Variants in PHF5A observed in about 807,000 individuals in gnomAD.
PHF5A encodes PHD finger-like domain-containing protein 5A.
For missense variants in PHF5A, 24 were observed against 140.6 expected, an observed-to-expected ratio of 0.17 and a Z score of 4.19; for synonymous variants, 52 against 46.0, an observed-to-expected ratio of 1.13 and a Z score of -0.52.
intron 3 of PHF5A, 149 bp downstream of exon 3, chr22:41,467,299 A>G (rs2037874746): frequency 8.1e-6 from 6 of 738,636 alleles, no homozygotes; most frequent in Non-Finnish European, 1.3e-5. Flanking sequence ...ATTGGACTAC[A>G]CCCAGTTTGA....
intron 3 of PHF5A, among the ~76,000 whole-genome samples, chr22:41,464,007 T>C (rs1407275621): frequency 6.6e-6 from 1 of 152,220 alleles, no homozygotes; most frequent in East Asian, 1.9e-4. Flanking sequence ...AGCATCCTCA[T>C]CTGTATCACA....
intron 3 of PHF5A, among the ~76,000 whole-genome samples, chr22:41,461,565 TCA>T (rs2037828029): frequency 6.6e-6 from 1 of 152,022 alleles, no homozygotes; most frequent in Admixed American, 6.6e-5. Context: ...ACCATGCTGC[TCA>T]GGCTGGTCTC....
intron 3 of PHF5A, among the ~76,000 whole-genome samples, chr22:41,463,618 A>T (rs369405538): frequency 4.9e-4 from 5 of 10,106 alleles, no homozygotes; most frequent in African/African-American, 1.3e-3. Context: ...CCAGCTACTC[A>T]GGGGGCTGAG....
At chr22:41,463,129 C>T (rs2037838481) in intron 3 of PHF5A, among the ~76,000 whole-genome samples, 1 of 152,020 alleles carries the variant, frequency 6.6e-6, no homozygotes, top group African/African-American at 2.4e-5. Flanking sequence ...ACCTGGGCCT[C>T]CCAAAGCGCT....
intron 2 of PHF5A, 53 bp from the exon 3 acceptor site, chr22:41,467,667 C>A: frequency 6.3e-7 from 1 of 1,585,834 alleles, no homozygotes; most frequent in Admixed American, 1.7e-5. Context: ...CCTCTGCTAT[C>A]TCCTGCCATG....
At chr22:41,463,284 T>A (rs1346620849) in intron 3 of PHF5A, among the ~76,000 whole-genome samples, 7 of 151,188 alleles carry the variant, frequency 4.6e-5, no homozygotes, top group Non-Finnish European at 3.0e-5. Flanking sequence ...AAAAAAAAAA[T>A]AAAAGGTTAA....
At chr22:41,467,217 T>C (rs2037873701) in intron 3 of PHF5A, among the ~76,000 whole-genome samples, 2 of 151,986 alleles carry the variant, frequency 1.3e-5, no homozygotes, top group South Asian at 4.2e-4. Flanking sequence ...GAGAGGGCTC[T>C]CCAAATTGCT....
intron 1 of PHF5A, 120 bp downstream of exon 1, chr22:41,468,482 T>C: frequency 1.7e-6 from 2 of 1,171,374 alleles, no homozygotes; most frequent in South Asian, 2.6e-5. Flanking sequence ...ACCCCGCGCC[T>C]GAGAGGCGGG....
rs1420842877 is a variant in PHF5A at position 41,460,383 on chromosome 22, G to T, written c.*15C>A. On this transcript the variant is annotated 3_prime_UTR_variant, in exon 4 of 4. Coordinates refer to ENST00000216252, the MANE Select transcript of PHF5A (RefSeq NM_032758.4). ...AGCAGACTGATGTTGGGGGGAGGAAGGGGCCACCCACCAATCACCTCTTCT... is the reference window on the plus strand; with the variant it reads ...AGCAGACTGATGTTGGGGGGAGGAATGGGCCACCCACCAATCACCTCTTCT... The T allele has an allele frequency of 3.2e-6, 5 of 1,583,706 alleles. No individual in the cohort carries two copies. Among genetic ancestry groups the T allele is most frequent in the Non-Finnish European group, 4.3e-6 (5 of 1,159,058 alleles).
intron 3 of PHF5A, among the ~76,000 whole-genome samples, chr22:41,461,624 C>T (rs2037828343): frequency 6.6e-6 from 1 of 151,912 alleles, no homozygotes; most frequent in Non-Finnish European, 1.5e-5. Context: ...TCCCAAAGTG[C>T]TAGGATTACA....
At chr22:41,461,428 G>A (rs1003049197) in intron 3 of PHF5A, among the ~76,000 whole-genome samples, 4 of 148,920 alleles carry the variant, frequency 2.7e-5, no homozygotes, top group South Asian at 2.1e-4. Flanking sequence ...TCGCTCTGTC[G>A]CCAGGCTGGA....
At chr22:41,466,863 G>T (rs569579707) in intron 3 of PHF5A, among the ~76,000 whole-genome samples, 21 of 152,086 alleles carry the variant, frequency 1.4e-4, no homozygotes, top group African/African-American at 5.1e-4. Flanking sequence ...GCGCATGCCT[G>T]TAGTCCCAGC....
At chr22:41,468,442 A>T in intron 1 of PHF5A, 160 bp downstream of exon 1, 1 of 729,704 alleles carries the variant, frequency 1.4e-6, no homozygotes, top group Non-Finnish European at 2.2e-6. Context: ...TCTTCTCATC[A>T]GAGGCCACAA....
chr22:41,461,490 G>A (rs1004179085), intron 3 of PHF5A, among the ~76,000 whole-genome samples: 5 of 150,278 alleles, frequency 3.3e-5, no homozygotes, highest in Non-Finnish European at 5.9e-5. Context: ...CGAGTAGCTG[G>A]GACTACAGGT....
intron 3 of PHF5A, 127 bp from the exon 4 acceptor site, chr22:41,460,614 A>G: frequency 1.7e-6 from 1 of 574,064 alleles, no homozygotes; most frequent in Admixed American, 3.2e-5. Flanking sequence ...AGGCCGAGGC[A>G]GGAGGATTGC....
rs1323279050 is a variant in PHF5A at position 41,460,191 on chromosome 22, T to C, written c.*207A>G. The C allele has an allele frequency of 4.5e-6, 2 of 446,392 alleles. No individual in the cohort carries two copies. Among genetic ancestry groups the C allele is most frequent in the East Asian group, 6.4e-5 (2 of 31,094 alleles). 27.7% of individuals were successfully genotyped at this position (446,392 alleles called of 1,614,324 possible). ...ATCTATCAAGTTTTCTCCGATATGG[T>C]GTGCCAGAGTGCTCTGTGAAGAATC... On this transcript the variant is annotated 3_prime_UTR_variant, in exon 4 of 4. Coordinates refer to ENST00000216252, the MANE Select transcript of PHF5A (RefSeq NM_032758.4).
intron 1 of PHF5A, 34 bp from the exon 2 acceptor site, chr22:41,468,181 G>C: frequency 6.2e-7 from 1 of 1,612,330 alleles, no homozygotes; most frequent in Non-Finnish European, 8.5e-7. Flanking sequence ...AGTACAATTA[G>C]AATAAAGGTT....
intron 3 of PHF5A, among the ~76,000 whole-genome samples, 186 bp downstream of exon 3, chr22:41,467,261 TC>T (rs1458370489): frequency 1.3e-5 from 2 of 152,060 alleles, no homozygotes; most frequent in African/African-American, 4.8e-5. Flanking sequence ...CTTGCATTCT[TC>T]CCCTTGATGC....
At chr22:41,464,739 A>G (rs2037853060) in intron 3 of PHF5A, among the ~76,000 whole-genome samples, 1 of 152,244 alleles carries the variant, frequency 6.6e-6, no homozygotes, top group Admixed American at 6.5e-5. Flanking sequence ...AATGGCTTAA[A>G]CAGATATCCT....
Sources: allele counts gnomAD v4.1 joint callset (sites outside exome capture counted in the v4.1 genomes callset), GRCh38; gene constraint gnomAD v4.1.1; transcripts MANE v1.5; gene names NCBI Gene and HGNC (gene_info 2026-07-23, HGNC 2026-07-21).